Variants in MGST2 observed in about 807,000 individuals in gnomAD.
MGST2 encodes glutathione peroxidase MGST2.
A neutral mutation model predicts 16.6 loss-of-function variants in MGST2; 9 were observed. The ratio of observed to expected loss-of-function variants is 0.54; its 90% CI spans 0.33 to 0.95. The LOEUF (loss-of-function observed/expected upper bound fraction) is 0.95. MGST2 is among the 40% of genes least tolerant of loss of function. MGST2 has a pLI of 0.03. For synonymous variants in MGST2, 79 were observed against 68.0 expected (o/e 1.16, Z -0.79); for missense variants, 159 against 175.1 (o/e 0.91, Z 0.52).
At chr4:139,729,622 C>T (rs770897550) in intron 5 of MGST2, among the ~76,000 whole-genome samples, 11 of 152,230 alleles carry the variant, frequency 7.2e-5, no homozygotes, top group East Asian at 1.9e-4. Flanking sequence ...TCACAGAAGC[C>T]GCCTGGGGAT....
intron 1 of MGST2, among the ~76,000 whole-genome samples, chr4:139,672,761 G>A (rs1242021618): frequency 1.3e-5 from 2 of 151,948 alleles, no homozygotes; most frequent in Non-Finnish European, 2.9e-5. Context: ...ATGTTGGCCG[G>A]GCTTGTCTCA....
chr4:139,679,102 AAGCTTG>A, intron 2 of MGST2: 3 of 179,464 alleles, frequency 1.7e-5, no homozygotes, highest in South Asian at 1.3e-4. Flanking sequence ...AAGAATGAGA[AAGCTTG>A]CCAGCTCACA....
At chr4:139,724,794 A>C (rs937364140) in intron 5 of MGST2, among the ~76,000 whole-genome samples, 27 of 112,780 alleles carry the variant, frequency 2.4e-4, no homozygotes, top group African/African-American at 7.9e-4. Flanking sequence ...TTTTTTTTTG[A>C]GACAGAGTCT....
Position 139,678,543 on chromosome 4 carries a change from G to T in MGST2, c.59G>T (p.Ser20Ile), listed in dbSNP as rs1270193829. Residue 20 changes from serine (S) to isoleucine (I), a missense_variant and splice_region_variant, in exon 2 of 5, where the codon AGT (serine) becomes ATT (isoleucine). Physicochemically the swap from Ser to Ile is moderately radical, Grantham distance 142. Transcript: ENST00000265498. ...ACGCAACATTTCCCTTTACTTGCAG[G>T]TTATTTTGCTTTGCAAGTTGGAAAG... ...AVSILSACQQ[S>I]YFALQVGKAR... The T allele has an allele frequency of 4.3e-6, 7 of 1,612,874 alleles. No homozygotes were observed. The highest frequency in any genetic ancestry group is 5.9e-6 in the Non-Finnish European group (7 of 1,178,986).
chr4:139,719,922 A>G, intron 5 of MGST2: 1 of 1,614,068 alleles, frequency 6.2e-7, no homozygotes, highest in South Asian at 1.1e-5. Context: ...GGCCTAGGCA[A>G]GGCCTGGCCT....
At position 139,735,779 on chromosome 4, in the gene MGST2, G is replaced by A. The variant is rs980875042; in HGVS notation, c.*49-4433G>A. Among the ~76,000 whole-genome samples the A allele has an allele frequency of 1.3e-5, 2 of 152,200 alleles. No individual in the cohort carries two copies. Among genetic ancestry groups the A allele is most frequent in the South Asian group, 2.1e-4 (1 of 4,830 alleles). On this transcript the variant is annotated intron_variant, in intron 5 of 5. Transcript: ENST00000616265. This position sits in a 1 kb window ranked among gnomAD's most constrained non-coding sequence, Gnocchi z 5.8. ...TCAGGAGTGGGGCCCGTGCGTCCCCGGCAGGACCTAGACTGCCTCTCGGCG... is the reference window on the plus strand; with the variant it reads ...TCAGGAGTGGGGCCCGTGCGTCCCCAGCAGGACCTAGACTGCCTCTCGGCG...
chr4:139,720,258 G>T (rs779168996), intron 5 of MGST2: 4 of 1,596,272 alleles, frequency 2.5e-6, no homozygotes, highest in Non-Finnish European at 3.4e-6. Context: ...TGTGCCATCA[G>T]CCGTGACGTT....
At position 139,719,241 on chromosome 4, in the gene MGST2, AC is replaced by A. The variant is rs1463211100; in HGVS notation, c.*48+15046del. 130 of 1,471,960 alleles carry A rather than the reference AC, an allele frequency of 8.8e-5. 4 individuals carry two copies. Among genetic ancestry groups the A allele is most frequent in the Middle Eastern group, 6.0e-4 (3 of 5,040 alleles). 91.2% of individuals were successfully genotyped at this position (1,471,960 alleles called of 1,614,324 possible). ...TTTACGTGGGTCAAAAAAACAAAAA[AC>A]AAGGATGGGTCAACATCCTGTTTCT... On this transcript the variant is annotated intron_variant, in intron 5 of 5. Coordinates refer to the MGST2 transcript ENST00000616265.
chr4:139,725,067 T>G (rs1399318999), intron 5 of MGST2, among the ~76,000 whole-genome samples: 1 of 152,208 alleles, frequency 6.6e-6, no homozygotes, highest in Admixed American at 6.5e-5. Flanking sequence ...CCAAGGGCTC[T>G]CTCTATTAGA....
intron 5 of MGST2, among the ~76,000 whole-genome samples, chr4:139,738,068 CCCCACAGGCCTGGGTAGAAA>C (rs542103802): frequency 0.015 from 2,253 of 152,352 alleles, 28 homozygotes; most frequent in Middle Eastern, 0.041. Context: ...ATTGGGGGAA[CCCCACAGGCCTGGGTAGAAA>C]CTCAGCTCCA....
At chr4:139,740,434 G>C (rs998925002) in exon 6 of MGST2, 9 of 152,100 alleles carry the variant, frequency 5.9e-5, no homozygotes, top group African/African-American at 2.2e-4. Context: ...TTTGTCAGCT[G>C]CTCCATTAGG....
At chr4:139,719,223 G>T in intron 5 of MGST2, 2 of 1,387,364 alleles carry the variant, frequency 1.4e-6, no homozygotes, top group South Asian at 1.5e-5. Flanking sequence ...CAGTTTACGT[G>T]GGTCAAAAAA....
At chr4:139,712,046 T>A (rs917686705) in intron 5 of MGST2, among the ~76,000 whole-genome samples, 4 of 152,196 alleles carry the variant, frequency 2.6e-5, no homozygotes, top group African/African-American at 9.7e-5. Flanking sequence ...TAAGAAAACA[T>A]TCAGTAAGCT....
intron 2 of MGST2, among the ~76,000 whole-genome samples, chr4:139,683,015 C>T (rs1206486783): frequency 6.6e-6 from 1 of 152,224 alleles, no homozygotes; most frequent in East Asian, 1.9e-4. Context: ...TGTGGCTCCA[C>T]CCTGTTCCTC....
intron 5 of MGST2, among the ~76,000 whole-genome samples, chr4:139,713,745 G>C (rs531131880): frequency 6.6e-6 from 1 of 152,240 alleles, no homozygotes; most frequent in Admixed American, 6.5e-5. Context: ...TAACCTCCTA[G>C]GTGCTTAGTG....
chr4:139,670,566 A>G (rs1466956954), intron 1 of MGST2, among the ~76,000 whole-genome samples: 1 of 152,194 alleles, frequency 6.6e-6, no homozygotes, highest in East Asian at 1.9e-4. Flanking sequence ...CAGTTGTTAA[A>G]GGAGTAAAGC....
chr4:139,691,694 G>T (rs200476270), intron 2 of MGST2, among the ~76,000 whole-genome samples: 31,666 of 129,878 alleles, frequency 0.24, 3,703 homozygotes, highest in East Asian at 0.51. Context: ...TGATGATGAT[G>T]ATGATTATTA....
chr4:139,721,421 CA>C (rs1457021754), intron 5 of MGST2, among the ~76,000 whole-genome samples: 1 of 152,092 alleles, frequency 6.6e-6, no homozygotes, highest in African/African-American at 2.4e-5. Context: ...TTTTCCTGGA[CA>C]TTTAAAGAAG....
intron 5 of MGST2, among the ~76,000 whole-genome samples, chr4:139,734,942 C>G (rs1728874432): frequency 2.6e-5 from 4 of 152,250 alleles, no homozygotes; most frequent in Admixed American, 2.6e-4. Flanking sequence ...GCCGGGGCAA[C>G]GCAGAGCAGC....
Sources: allele counts gnomAD v4.1 joint callset (sites outside exome capture counted in the v4.1 genomes callset), GRCh38; gene constraint gnomAD v4.1.1; non-coding constraint Gnocchi (gnomAD v3.1); transcripts MANE v1.5; gene names NCBI Gene and HGNC (gene_info 2026-07-23, HGNC 2026-07-21).